Variants in PRTFDC1 observed in about 807,000 individuals in gnomAD.
PRTFDC1 encodes the protein phosphoribosyl transferase domain containing 1.
Under a neutral mutation model 34.6 loss-of-function variants are expected in PRTFDC1, and 38 were observed. The observed-to-expected ratio is 1.10, with a 90% CI of 0.85 to 1.44. The LOEUF is 1.44. Ranked by LOEUF, PRTFDC1 falls within the 40% of genes most tolerant of loss-of-function variation. The pLI is 0.00. For synonymous variants in PRTFDC1, 93 were observed against 98.1 expected (o/e 0.95, Z 0.31); for missense variants, 270 against 283.0 (o/e 0.95, Z 0.33).
chr10:24,919,481 C>A (rs1433668758), intron 3 of PRTFDC1, among the ~76,000 whole-genome samples: 1 of 152,156 alleles, frequency 6.6e-6, no homozygotes, highest in African/African-American at 2.4e-5. Flanking sequence ...CAAAAATTAA[C>A]TCCAGATGGA....
intron 2 of PRTFDC1, among the ~76,000 whole-genome samples, chr10:24,940,784 A>C (rs1849142015): frequency 6.6e-6 from 1 of 152,212 alleles, no homozygotes; most frequent in African/African-American, 2.4e-5. Flanking sequence ...GGGACATCCA[A>C]ATGTACATCA....
intron 1 of PRTFDC1, chr10:24,951,726 G>T (rs1393438837): frequency 9.6e-6 from 5 of 518,876 alleles, no homozygotes; most frequent in Non-Finnish European, 1.2e-5. Flanking sequence ...AGGGAGCAGG[G>T]AGGACGTGGC....
chr10:24,859,816 G>T (rs188771319), intron 4 of PRTFDC1, among the ~76,000 whole-genome samples: 2 of 152,088 alleles, frequency 1.3e-5, no homozygotes, highest in South Asian at 2.1e-4. Flanking sequence ...GATTCCTACC[G>T]CATTGCCAGA....
At position 24,902,448 on chromosome 10, in the gene PRTFDC1, G is replaced by A. The variant is rs186217643; in HGVS notation, c.340-30385C>T. On this transcript the variant is annotated intron_variant, in intron 3 of 8. Transcript: ENST00000320152. ...AACCTTGAGCAGGAATGAATTCTAG[G>A]AAATGTGTAGTTCAGGCCTTTTGCA... Among the ~76,000 whole-genome samples the A allele has an allele frequency of 3.8e-3, 575 of 152,268 alleles. 3 individuals carry two copies. Among genetic ancestry groups the A allele is most frequent in the Middle Eastern group, 6.8e-3 (2 of 294 alleles).
chr10:24,927,468 T>C (rs1287824994), intron 3 of PRTFDC1, among the ~76,000 whole-genome samples: 1 of 152,158 alleles, frequency 6.6e-6, no homozygotes, highest in Non-Finnish European at 1.5e-5. Context: ...TCTGCAAAAA[T>C]GTTTTGAGGA....
intron 3 of PRTFDC1, among the ~76,000 whole-genome samples, chr10:24,925,057 T>A (rs1848848945): frequency 6.6e-6 from 1 of 152,188 alleles, no homozygotes; most frequent in Admixed American, 6.5e-5. Flanking sequence ...TAGCAAAGAC[T>A]TGGAACCAAC....
intron 3 of PRTFDC1, among the ~76,000 whole-genome samples, chr10:24,923,546 A>T (rs1327377977): frequency 6.6e-6 from 1 of 152,116 alleles, no homozygotes; most frequent in Non-Finnish European, 1.5e-5. Context: ...AACTAAACAG[A>T]CCCGCAGCTG....
intron 3 of PRTFDC1, among the ~76,000 whole-genome samples, chr10:24,929,068 G>GAAAA (rs1564316135): frequency 8.9e-6 from 1 of 111,896 alleles, no homozygotes; most frequent in Non-Finnish European, 1.8e-5. Context: ...AAGAAAGAAA[G>GAAAA]AAAGAAAGGG....
chr10:24,863,747 T>G (rs1420261492), intron 4 of PRTFDC1, among the ~76,000 whole-genome samples: 1 of 152,020 alleles, frequency 6.6e-6, no homozygotes, highest in African/African-American at 2.4e-5. Flanking sequence ...AGAAGTTGAT[T>G]CCGACCCTCA....
chr10:24,930,213 T>C lies in PRTFDC1; in HGVS notation c.339+6971A>G, dbSNP rs182576099. Among the ~76,000 whole-genome samples the C allele has an allele frequency of 3.8e-3, 576 of 152,268 alleles. 3 individuals carry two copies. The highest frequency in any genetic ancestry group is 0.013 in the African/African-American group (549 of 41,536). On this transcript the variant is annotated intron_variant, in intron 3 of 8. Coordinates refer to ENST00000320152, the MANE Select transcript of PRTFDC1 (RefSeq NM_020200.7). The stretch of plus-strand genomic sequence containing the variant: ...AGGTTCTTTCCGAATTTTTCTGGAT[T>C]TGGCCTCCTAAAAGCAGCAAGCAAG...
At position 24,872,774 on chromosome 10, in the gene PRTFDC1, A is replaced by ATG. The variant is rs778426676; in HGVS notation, c.340-712_340-711insCA. On this transcript the variant is annotated intron_variant, in intron 3 of 8. Transcript: ENST00000320152. Reference sequence around the variant, plus strand: ...TGTGCACACGTGTGTGTGTATATATATATGTGTGTGTGTGTATATATATAT... The same window carrying ATG: ...TGTGCACACGTGTGTGTGTATATATATGTATGTGTGTGTGTGTATATATATAT... Among the ~76,000 whole-genome samples the ATG allele has an allele frequency of 7.4e-3, 646 of 87,214 alleles. 4 individuals are homozygous for ATG. The highest frequency in any genetic ancestry group is 0.029 in the East Asian group (90 of 3,070). 57.2% of individuals were successfully genotyped at this position (87,214 alleles called of 152,430 possible).
At chr10:24,939,502 G>T (rs1213620996) in intron 2 of PRTFDC1, among the ~76,000 whole-genome samples, 1 of 151,786 alleles carries the variant, frequency 6.6e-6, no homozygotes, top group Non-Finnish European at 1.5e-5. Flanking sequence ...ACTGTATATT[G>T]CCCACAAGAA....
At chr10:24,947,575 G>T (rs1849269302) in intron 1 of PRTFDC1, among the ~76,000 whole-genome samples, 1 of 152,150 alleles carries the variant, frequency 6.6e-6, no homozygotes, top group African/African-American at 2.4e-5. Flanking sequence ...AAGTAATTCT[G>T]ATTCTCTTTT....
intron 3 of PRTFDC1, among the ~76,000 whole-genome samples, chr10:24,887,503 A>G (rs1211598728): frequency 2.0e-5 from 3 of 151,900 alleles, no homozygotes; most frequent in Non-Finnish European, 4.4e-5. Context: ...CCTTGCTGCC[A>G]CCATGTGAAG....
In PRTFDC1 at chr10:24,887,802, T is replaced by G. The variant is rs111466171; in HGVS notation, c.340-15739A>C. The stretch of plus-strand genomic sequence containing the variant: ...ACAACTGTAGGCCAGAAGTGATCTC[T>G]CCAGCCAACCCACTTCCTTTGCATG... On this transcript the variant is annotated intron_variant, in intron 3 of 8. Coordinates refer to ENST00000320152, the MANE Select transcript of PRTFDC1 (RefSeq NM_020200.7). 1.3e-3 allele frequency among the ~76,000 whole-genome samples: 197 copies of G among 152,314 alleles called. 1 individual carries two copies. Among genetic ancestry groups the G allele is most frequent in the Middle Eastern group, 0.01 (3 of 294 alleles).
At chr10:24,892,399 C>T (rs1848278524) in intron 3 of PRTFDC1, among the ~76,000 whole-genome samples, 1 of 151,830 alleles carries the variant, frequency 6.6e-6, no homozygotes, top group Admixed American at 6.5e-5. Flanking sequence ...TCCTCATCAG[C>T]ATTTGTGATT....
At chr10:24,883,107 G>A (rs1462780634) in intron 3 of PRTFDC1, among the ~76,000 whole-genome samples, 2 of 147,476 alleles carry the variant, frequency 1.4e-5, no homozygotes, top group Non-Finnish European at 3.0e-5. Flanking sequence ...AAATATAAAT[G>A]TATTATAATT....
chr10:24,875,078 T>G (rs894906923), intron 3 of PRTFDC1, among the ~76,000 whole-genome samples: 1 of 152,208 alleles, frequency 6.6e-6, no homozygotes, highest in Non-Finnish European at 1.5e-5. Context: ...GTGAATCAAT[T>G]AAGCCTCTTT....
chr10:24,923,987 C>A (rs112865020), intron 3 of PRTFDC1, among the ~76,000 whole-genome samples: 6 of 152,104 alleles, frequency 3.9e-5, no homozygotes, highest in Non-Finnish European at 7.4e-5. Context: ...AACCACAGTA[C>A]GAGAACTTCG....
Sources: allele counts gnomAD v4.1 joint callset (sites outside exome capture counted in the v4.1 genomes callset), GRCh38; gene constraint gnomAD v4.1.1; transcripts MANE v1.5; gene names NCBI Gene and HGNC (gene_info 2026-07-23, HGNC 2026-07-21).